FAM210A: variants seen among roughly 807,000 people sequenced by gnomAD.
The protein encoded by FAM210A is mitochondrial inner membrane scaffold 1.
FAM210A carries 13 observed loss-of-function variants against 25.3 expected under a neutral mutation model. The ratio of observed to expected loss-of-function variants is 0.51; its 90% confidence interval spans 0.33 to 0.82. The LOEUF (loss-of-function observed/expected upper bound fraction) is 0.82. Ranked by LOEUF, FAM210A falls within the 40% of genes least tolerant of loss-of-function variation. FAM210A has a pLI of 0.02. For synonymous variants in FAM210A, 125 were observed against 118.7 expected (o/e 1.05, Z -0.35); for missense variants, 319 against 323.2 (o/e 0.99, Z 0.10).
intron 2 of FAM210A, among the ~76,000 whole-genome samples, chr18:13,677,005 G>A (rs2043509618): frequency 6.6e-6 from 1 of 152,008 alleles, no homozygotes; most frequent in African/African-American, 2.4e-5. Flanking sequence ...ATTTGGCTGG[G>A]AGCATCGGCA....
At chr18:13,696,429 G>C (rs906103030) in intron 1 of FAM210A, among the ~76,000 whole-genome samples, 2 of 152,116 alleles carry the variant, frequency 1.3e-5, no homozygotes, top group East Asian at 3.8e-4. Context: ...AAAATGAAAA[G>C]ACAAGTCACT....
intron 2 of FAM210A, among the ~76,000 whole-genome samples, chr18:13,672,190 G>T (rs546996765): frequency 6.6e-6 from 1 of 152,100 alleles, no homozygotes; most frequent in Admixed American, 6.5e-5. Context: ...GTATCTTATC[G>T]CCTACAACTT....
chr18:13,678,317 C>T (rs569219576), intron 2 of FAM210A, among the ~76,000 whole-genome samples: 1 of 152,084 alleles, frequency 6.6e-6, no homozygotes, highest in East Asian at 1.9e-4. Flanking sequence ...TCGCTCCAGG[C>T]TGGAGTGCAA....
intron 1 of FAM210A, among the ~76,000 whole-genome samples, chr18:13,720,238 A>C (rs2043888111): frequency 6.6e-6 from 1 of 152,172 alleles, no homozygotes; most frequent in Non-Finnish European, 1.5e-5. Context: ...ACAGCATTTC[A>C]ATCTGCCACT....
chr18:13,670,330 A>C (rs1015402196), intron 3 of FAM210A, among the ~76,000 whole-genome samples: 1 of 152,214 alleles, frequency 6.6e-6, no homozygotes, highest in African/African-American at 2.4e-5. Flanking sequence ...CATAATTAGA[A>C]ACTTGATAAT....
At chr18:13,670,599 ATT>A (rs1480265652) in intron 3 of FAM210A, among the ~76,000 whole-genome samples, 4 of 152,188 alleles carry the variant, frequency 2.6e-5, no homozygotes, top group African/African-American at 9.7e-5. Flanking sequence ...CCTCATAAAT[ATT>A]TGTCAGTTTA....
In FAM210A at chr18:13,713,725, AACAC is replaced by A. The variant is rs55691136; in HGVS notation, c.-29+12600_-29+12603del. On this transcript the variant is annotated intron_variant, in intron 1 of 3. Transcript: ENST00000651643. ...GTAGCGGGGAAGTATGTCACTATAAAACACACACACACACACACACACACACACG... is the reference window on the plus strand; with the variant it reads ...GTAGCGGGGAAGTATGTCACTATAAAACACACACACACACACACACACACG... 1.1e-4 allele frequency among the ~76,000 whole-genome samples: 15 copies of A among 142,012 alleles called. No individual in the cohort carries two copies. The South Asian group carries it at 2.6e-3, about 24-fold the overall frequency. 93.2% of individuals were successfully genotyped at this position (142,012 alleles called of 152,430 possible).
intron 2 of FAM210A, among the ~76,000 whole-genome samples, chr18:13,677,179 A>G (rs990842296): frequency 1.3e-5 from 2 of 150,458 alleles, no homozygotes; most frequent in South Asian, 2.1e-4. Context: ...AGTTCACGCC[A>G]TTCTCCTGCC....
At position 13,698,104 on chromosome 18, in the gene FAM210A, G is replaced by A. The variant is rs374193927; in HGVS notation, c.-28-15999C>T. On this transcript the variant is annotated intron_variant, in intron 1 of 3. Coordinates refer to ENST00000651643, the MANE Select transcript of FAM210A (RefSeq NM_152352.4). The stretch of plus-strand genomic sequence containing the variant: ...GTGGTGGCTCACGCCTGTAATCCCA[G>A]CACTTTGGGAGGCTGAGGCAGGTGG... Among the ~76,000 whole-genome samples, 30 of 152,188 alleles carry A rather than the reference G, an allele frequency of 2.0e-4. No homozygotes were observed. The South Asian group carries it at 5.2e-3, about 26-fold the overall frequency.
At chr18:13,695,569 A>C (rs1007750671) in intron 1 of FAM210A, among the ~76,000 whole-genome samples, 27 of 152,214 alleles carry the variant, frequency 1.8e-4, no homozygotes, top group Non-Finnish European at 2.9e-4. Flanking sequence ...TTGTAGGGAC[A>C]TGGATGAAGC....
At chr18:13,711,692 C>G (rs1444811971) in intron 1 of FAM210A, among the ~76,000 whole-genome samples, 1 of 152,180 alleles carries the variant, frequency 6.6e-6, no homozygotes, top group African/African-American at 2.4e-5. Flanking sequence ...AATGCAGGCT[C>G]TATACATTTT....
intron 2 of FAM210A, among the ~76,000 whole-genome samples, chr18:13,673,569 CCA>C (rs766464709): frequency 2.0e-5 from 3 of 151,344 alleles, no homozygotes; most frequent in Non-Finnish European, 4.4e-5. Context: ...TTCTTTATTT[CCA>C]GTTTCCTGAT....
In FAM210A at chr18:13,674,936, C is replaced by T. The variant is rs1345247998; in HGVS notation, c.474-2963G>A. 2.6e-3 allele frequency among the ~76,000 whole-genome samples: 384 copies of T among 147,528 alleles called. 2 individuals are homozygous for T. Among genetic ancestry groups the T allele is most frequent in the African/African-American group, 8.6e-3 (345 of 40,078 alleles). ...TTCCTGATTATTAACATTCCTGAGCCGTGACTTATTTCCAGTTTCCTGATT... is the reference window on the plus strand; with the variant it reads ...TTCCTGATTATTAACATTCCTGAGCTGTGACTTATTTCCAGTTTCCTGATT... On this transcript the variant is annotated intron_variant, in intron 2 of 3. Coordinates refer to ENST00000651643, the MANE Select transcript of FAM210A (RefSeq NM_152352.4).
chr18:13,712,832 T>C (rs1171057982), intron 1 of FAM210A, among the ~76,000 whole-genome samples: 1 of 152,176 alleles, frequency 6.6e-6, no homozygotes, highest in African/African-American at 2.4e-5. Flanking sequence ...AGAAATTCCA[T>C]CGATAGAAGG....
At chr18:13,680,802 C>T (rs906543113) in intron 2 of FAM210A, among the ~76,000 whole-genome samples, 1 of 152,194 alleles carries the variant, frequency 6.6e-6, no homozygotes, top group Non-Finnish European at 1.5e-5. Flanking sequence ...ACTCGGCCGA[C>T]TAGTGGCAGA....
At chr18:13,670,198 A>C (rs996590418) in intron 3 of FAM210A, among the ~76,000 whole-genome samples, 2 of 152,172 alleles carry the variant, frequency 1.3e-5, no homozygotes, top group Admixed American at 1.3e-4. Context: ...CAAACACTTA[A>C]CACCTAGCAC....
At chr18:13,710,893 T>C (rs1233194412) in intron 1 of FAM210A, among the ~76,000 whole-genome samples, 2 of 152,228 alleles carry the variant, frequency 1.3e-5, no homozygotes, top group African/African-American at 2.4e-5. Flanking sequence ...ATAAAACTCT[T>C]TGTGTACTCA....
At position 13,666,543 on chromosome 18, in the gene FAM210A, A is replaced by C; in HGVS notation, c.756T>G (p.Asp252Glu). 1 of 1,614,088 alleles carries C rather than the reference A, an allele frequency of 6.2e-7. No individual in the cohort carries two copies. The highest frequency in any genetic ancestry group is 8.5e-7 in the Non-Finnish European group (1 of 1,180,008). Residue 252 changes from aspartate (D) to glutamate (E), a missense_variant, in exon 4 of 4, where the codon GAT (aspartate) becomes GAG (glutamate). Physicochemically the swap from Asp to Glu is conservative, Grantham distance 45. Coordinates refer to ENST00000651643, the MANE Select transcript of FAM210A (RefSeq NM_152352.4). Reference sequence around the variant, plus strand: ...TTTCTTGTAACTTTTCAGTGAGTCTATCTTTTGTTTCTTCCATTTTCTCTG... The same window carrying C: ...TTTCTTGTAACTTTTCAGTGAGTCTCTCTTTTGTTTCTTCCATTTTCTCTG... ...LITEKMEETK[D>E]RLTEKLQETK...
At chr18:13,713,327 T>C (rs2043835925) in intron 1 of FAM210A, among the ~76,000 whole-genome samples, 1 of 152,228 alleles carries the variant, frequency 6.6e-6, no homozygotes, top group Non-Finnish European at 1.5e-5. Context: ...AGATTTTATG[T>C]TCTGCCACTC....
Sources: gnomAD v4.1 joint callset for allele counts (sites outside exome capture counted in the v4.1 genomes callset) on GRCh38, gnomAD v4.1.1 for gene constraint, MANE v1.5 for transcripts, NCBI Gene and HGNC (gene_info 2026-07-23, HGNC 2026-07-21) for gene names.